The following TTLL9 variants were observed in gnomAD, a reference collection of about 807,000 sequenced individuals.
TTLL9 encodes the protein probable tubulin polyglutamylase TTLL9.
TTLL9 carries 47 observed loss-of-function variants against 65.6 expected under a neutral mutation model. The observed-to-expected ratio is 0.72, with a 90% CI of 0.57 to 0.91. The LOEUF (loss-of-function observed/expected upper bound fraction) is 0.91, where lower values mean the gene tolerates loss of function less well. Ranked by LOEUF, TTLL9 falls within the 40% of genes least tolerant of loss-of-function variation. TTLL9 has a pLI of 0.00. For synonymous variants in TTLL9, 179 were observed against 204.8 expected (o/e 0.87, Z 1.07); for missense variants, 537 against 568.8 (o/e 0.94, Z 0.57).
At chr20:31,926,489 A>G (rs1484970011) in intron 10 of TTLL9, among the ~76,000 whole-genome samples, 1 of 151,682 alleles carries the variant, frequency 6.6e-6, no homozygotes, top group Non-Finnish European at 1.5e-5. Context: ...TCTAGCAAAG[A>G]TCTGTTAAAA....
intron 6 of TTLL9, among the ~76,000 whole-genome samples, chr20:31,912,415 G>A (rs1005351886): frequency 6.6e-6 from 1 of 152,120 alleles, no homozygotes; most frequent in Non-Finnish European, 1.5e-5. Flanking sequence ...TGGAGCAGCG[G>A]TTCTCAAACT....
At position 31,934,710 on chromosome 20, in the gene TTLL9, C is replaced by T. The variant is rs780122956; in HGVS notation, c.826C>T (p.Gln276Ter). Reference protein sequence around the residue: ...HPKKGCKWTLQRFRQYLASKH... With the variant: ...HPKKGCKWTL ...GGCCCAGGGCTGCAAGTGGACGCTG[C>T]AGCGCTTCCGGCAGTACCTGGCGTC... The change falls in exon 12 of 15, where the codon CAG (glutamine) becomes TAG (stop). Residue 276 changes from glutamine (Q) to a stop codon, truncating the protein, a stop_gained. Transcript: ENST00000535842. LOFTEE classifies it high-confidence loss of function. 1 of 1,611,436 alleles carries T rather than the reference C, an allele frequency of 6.2e-7. No homozygotes were observed. Among genetic ancestry groups the T allele is most frequent in the East Asian group, 2.2e-5 (1 of 44,884 alleles).
At chr20:31,878,403 G>A (rs1027818973) in intron 2 of TTLL9, among the ~76,000 whole-genome samples, 1 of 152,234 alleles carries the variant, frequency 6.6e-6, no homozygotes, top group African/African-American at 2.4e-5. Flanking sequence ...GCTGTTTGTG[G>A]ACTTTAAATC....
Position 31,925,011 on chromosome 20 carries a change from C to T in TTLL9, c.667C>T (p.Arg223Cys), listed in dbSNP as rs763544218. The change falls in exon 9 of 15, where the codon CGC becomes TGC. Residue 223 changes from arginine to cysteine, a missense_variant and splice_region_variant. Arg to Cys is a radical substitution (Grantham distance 180). Coordinates refer to ENST00000535842, the MANE Select transcript of TTLL9 (RefSeq NM_001008409.5). ...TTAATTTTTTCCTTGCCTGACAGGC[C>T]GCAAGTTTGACCTGCGTGTCTATGT... ...YIENPYLIGG[R>C]KFDLRVYVLV... 27 of 1,613,934 alleles carry T rather than the reference C, an allele frequency of 1.7e-5. No homozygotes were observed. In the South Asian group the frequency reaches 1.8e-4, roughly 11 times the overall value.
chr20:31,893,733 T>C (rs985942917), intron 3 of TTLL9, among the ~76,000 whole-genome samples: 3 of 151,970 alleles, frequency 2.0e-5, no homozygotes, highest in Non-Finnish European at 4.4e-5. Context: ...CTGGGTGTAG[T>C]TTACGTTGTG....
chr20:31,872,595 G>A lies in TTLL9; in HGVS notation c.69+1400G>A, dbSNP rs570436484. On this transcript the variant is annotated intron_variant, in intron 2 of 14. Coordinates refer to ENST00000535842, the MANE Select transcript of TTLL9 (RefSeq NM_001008409.5). ...GTGGGAGGACCACTTGAGCCCAGGC[G>A]GAGGAGGATCACTTGAGCCCAGGCG... Among the ~76,000 whole-genome samples, 15 of 152,234 alleles carry A rather than the reference G, an allele frequency of 9.9e-5. No homozygotes were observed. In the East Asian group the frequency reaches 1.9e-3, roughly 20 times the overall value.
At chr20:31,926,478 A>G (rs1239112683) in intron 10 of TTLL9, among the ~76,000 whole-genome samples, 3 of 152,104 alleles carry the variant, frequency 2.0e-5, no homozygotes, top group African/African-American at 7.2e-5. Context: ...TTTGAAGACA[A>G]TCTAGCAAAG....
chr20:31,874,035 G>A (rs1413384711), intron 2 of TTLL9, among the ~76,000 whole-genome samples: 1 of 152,194 alleles, frequency 6.6e-6, no homozygotes, highest in East Asian at 1.9e-4. Flanking sequence ...CCCACTGAGT[G>A]CTAAGGGGAA....
At chr20:31,919,416 C>G (rs2063781897) in intron 6 of TTLL9, among the ~76,000 whole-genome samples, 1 of 152,038 alleles carries the variant, frequency 6.6e-6, no homozygotes, top group South Asian at 2.1e-4. Flanking sequence ...AGGACCACTC[C>G]ATATGAGATC....
intron 5 of TTLL9, 128 bp from the exon 6 acceptor site, chr20:31,909,608 TA>T: frequency 1.3e-6 from 1 of 757,918 alleles, no homozygotes; most frequent in Non-Finnish European, 2.1e-6. Flanking sequence ...GGGTCAAAGT[TA>T]CTCTTACTGT....
chr20:31,879,663 AG>A, intron 2 of TTLL9: 1 of 645,268 alleles, frequency 1.5e-6, no homozygotes, highest in Non-Finnish European at 2.6e-6. Context: ...AGGCTGGAAA[AG>A]AAAGGTTGAG....
intron 4 of TTLL9, among the ~76,000 whole-genome samples, chr20:31,902,135 G>A (rs1276572538): frequency 6.6e-6 from 1 of 151,950 alleles, no homozygotes; most frequent in Non-Finnish European, 1.5e-5. Context: ...CATACCTGCT[G>A]TGTCAAAACC....
intron 6 of TTLL9, among the ~76,000 whole-genome samples, chr20:31,912,597 ATGTGTATGTG>A (rs1201920194): frequency 1.2e-4 from 12 of 102,586 alleles, no homozygotes; most frequent in African/African-American, 3.0e-4. Flanking sequence ...GTGTGCGTGT[ATGTGTATGTG>A]TGTGTGTGTG....
rs535009298 is a variant in TTLL9 at position 31,939,223 on chromosome 20, T to C, written c.1200T>C (p.Pro400=). 1 of 1,613,616 alleles carries C rather than the reference T, an allele frequency of 6.2e-7. No individual in the cohort carries two copies. The highest frequency in any genetic ancestry group is 1.3e-5 in the African/African-American group (1 of 74,948). Reference sequence around the variant, plus strand: ...CTGTTAGCAGAGAGGAGGGGGCTCCTGACCTGTCGGGAATGGGAAACTTTG... The same window carrying C: ...CTGTTAGCAGAGAGGAGGGGGCTCCCGACCTGTCGGGAATGGGAAACTTTG... The part of the protein sequence containing the change: ...DGPVSREEGA[P]DLSGMGNFVT... The change falls in exon 14 of 15, where the codon CCT becomes CCC. Residue 400 remains proline, a synonymous_variant. Coordinates refer to ENST00000535842, the MANE Select transcript of TTLL9 (RefSeq NM_001008409.5).
intron 10 of TTLL9, among the ~76,000 whole-genome samples, chr20:31,931,433 G>A (rs186224005): frequency 2.4e-4 from 36 of 151,956 alleles, no homozygotes; most frequent in African/African-American, 5.8e-4. Flanking sequence ...TCGCTTCCAC[G>A]CCTGGCTAAT....
At chr20:31,882,359 C>G (rs1159368326) in intron 2 of TTLL9, among the ~76,000 whole-genome samples, 4 of 152,114 alleles carry the variant, frequency 2.6e-5, no homozygotes, top group African/African-American at 9.7e-5. Flanking sequence ...CTTGGGTAAG[C>G]TGGTGTGGCA....
intron 2 of TTLL9, chr20:31,873,093 A>G: frequency 2.0e-6 from 1 of 497,764 alleles, no homozygotes; most frequent in Admixed American, 2.1e-5. Context: ...AGCTGGAAAG[A>G]AGGGGATGGA....
At chr20:31,941,797 C>G (rs1217328875) in intron 14 of TTLL9, among the ~76,000 whole-genome samples, 2 of 152,096 alleles carry the variant, frequency 1.3e-5, no homozygotes, top group Non-Finnish European at 2.9e-5. Flanking sequence ...GCTGGGAGAG[C>G]CAGTGCTTTA....
chr20:31,903,160 G>A (rs1376594200), intron 4 of TTLL9, among the ~76,000 whole-genome samples: 1 of 151,970 alleles, frequency 6.6e-6, no homozygotes, highest in African/African-American at 2.4e-5. Context: ...GTGAGCCACC[G>A]TACCCACCCT....
Sources: gnomAD v4.1 joint callset for allele counts (sites outside exome capture counted in the v4.1 genomes callset) on GRCh38, gnomAD v4.1.1 for gene constraint, MANE v1.5 for transcripts, NCBI Gene and HGNC (gene_info 2026-07-23, HGNC 2026-07-21) for gene names.